ZFP64: variants seen among roughly 807,000 people sequenced by gnomAD.
The protein encoded by ZFP64 is zinc finger protein 64.
A neutral mutation model predicts 51.6 loss-of-function variants in ZFP64; 14 were observed. The observed-to-expected ratio is 0.27, with a 90% CI of 0.18 to 0.42. The LOEUF is 0.42. Among genes scored for constraint, ZFP64 ranks in the 10% least tolerant of loss-of-function variants. The pLI is 1.00. For synonymous variants in ZFP64, 375 were observed against 361.4 expected, an observed-to-expected ratio of 1.04 and a Z score of -0.43; for missense variants, 754 against 906.8, an observed-to-expected ratio of 0.83 and a Z score of 2.16.
chr20:52,133,556 T>C (rs539933950), intron 5 of ZFP64, among the ~76,000 whole-genome samples: 7 of 152,346 alleles, frequency 4.6e-5, no homozygotes, highest in African/African-American at 1.2e-4. Context: ...AGCATTTCTA[T>C]ACGCCAACAG....
Position 52,097,251 on chromosome 20 carries a change from A to G in ZFP64, c.976+122T>C, listed in dbSNP as rs943146632. The G allele has an allele frequency of 1.0e-5, 12 of 1,186,916 alleles. No homozygotes were observed. The African/African-American group carries it at 1.2e-4, about 12-fold the overall frequency. 73.5% of individuals were successfully genotyped at this position (1,186,916 alleles called of 1,614,324 possible). A position where few individuals can be genotyped will look rare whatever the true frequency, so the allele number is the denominator to read the frequency against. ...CTCCTTCTCCCAAGCCCACCCCACT[A>G]GACTGAGTTTCATGAGGCAGATGAG... On this transcript the variant is annotated intron_variant, in intron 7 of 8. Coordinates refer to the ZFP64 transcript ENST00000361387.
chr20:52,154,911 T>C (rs1426252549), intron 5 of ZFP64, among the ~76,000 whole-genome samples: 2 of 152,178 alleles, frequency 1.3e-5, no homozygotes, highest in Admixed American at 1.3e-4. Flanking sequence ...CTGGCCCTTT[T>C]CAGAAAAAGG....
Position 52,153,360 on chromosome 20 carries a change from T to C in ZFP64, c.832A>G (p.Met278Val). 2 of 1,614,196 alleles carry C rather than the reference T, an allele frequency of 1.2e-6. No homozygotes were observed. The highest frequency in any genetic ancestry group is 8.5e-7 in the Non-Finnish European group (1 of 1,180,040). Reference protein sequence around the residue: ...FKISSDLKRHMRVHSGEKPFK... With the variant: ...FKISSDLKRHVRVHSGEKPFK... ...GGCTTCTCCCCCGAGTGCACCCGCA[T>C]GTGCCTTTTCAAGTCCGAGCTGATT... The change falls in exon 6 of 6, where the codon ATG becomes GTG. Residue 278 changes from methionine to valine, a missense_variant. By Grantham distance (21) the Met-to-Val change is conservative. Coordinates refer to ENST00000216923, the MANE Select transcript of ZFP64 (RefSeq NM_018197.3). This position sits in a 1 kb window ranked among gnomAD's most constrained non-coding sequence, Gnocchi z 5.1.
intron 7 of ZFP64, among the ~76,000 whole-genome samples, chr20:52,094,111 G>A (rs1600691934): frequency 2.0e-5 from 3 of 152,174 alleles, no homozygotes; most frequent in Non-Finnish European, 4.4e-5. Context: ...GGGTCCCGGA[G>A]AGAAGACCAC....
intron 2 of ZFP64, among the ~76,000 whole-genome samples, chr20:52,183,901 A>C (rs1024293875): frequency 2.0e-5 from 3 of 152,166 alleles, no homozygotes; most frequent in Non-Finnish European, 4.4e-5. Flanking sequence ...TCTGTTGCCC[A>C]GTGGGGAGTG....
At chr20:52,150,528 G>T (rs1356477849), downstream of ZFP64, among the ~76,000 whole-genome samples, 2 of 149,618 alleles carry the variant, frequency 1.3e-5, no homozygotes, top group Non-Finnish European at 3.0e-5. Flanking sequence ...ATTGTACACT[G>T]CAAGCCTTTT....
chr20:52,088,209 A>AT, intron 8 of ZFP64: 1 of 978,824 alleles, frequency 1.0e-6, no homozygotes, highest in South Asian at 1.7e-5. Context: ...TGTCAGTCAT[A>AT]TTTTACCAAA....
At chr20:52,105,154 G>T (rs1216983292) in intron 5 of ZFP64, 14 of 1,447,828 alleles carry the variant, frequency 9.7e-6, no homozygotes, top group African/African-American at 1.5e-5. Context: ...CCACCTGCGG[G>T]GCCACCTCCG....
Position 52,191,668 on chromosome 20 carries a change from G to A in ZFP64, c.-32C>T. 1.3e-6 allele frequency: 2 copies of A among 1,570,052 alleles called. No individual in the cohort carries two copies. Among genetic ancestry groups the A allele is most frequent in the Non-Finnish European group, 1.7e-6 (2 of 1,162,134 alleles). On this transcript the variant is annotated 5_prime_UTR_variant, in exon 1 of 6. Coordinates refer to ENST00000216923, the MANE Select transcript of ZFP64 (RefSeq NM_018197.3). This position sits in a 1 kb window ranked among gnomAD's most constrained non-coding sequence, Gnocchi z 4.3. Reference sequence around the variant, plus strand: ...AGACTGGGAGGTCCCCGGCCGGCCGGGATGCCAAAGTGGGGGACGCTGATC... The same window carrying A: ...AGACTGGGAGGTCCCCGGCCGGCCGAGATGCCAAAGTGGGGGACGCTGATC...
rs559294656 is a variant in ZFP64 at position 52,146,130 on chromosome 20, G to GGACC, written c.763+13992_763+13993insGGTC. On this transcript the variant is annotated intron_variant, in intron 5 of 8. Coordinates refer to the ZFP64 transcript ENST00000361387. ...ATGCGCATTAGCCTCAGCCTATGCA[G>GGACC]GGTCAGGATCATCAAGATATCAGTA... Among the ~76,000 whole-genome samples, 736 of 151,600 alleles carry GGACC rather than the reference G, an allele frequency of 4.9e-3. 5 individuals are homozygous for GGACC. Among genetic ancestry groups the GGACC allele is most frequent in the African/African-American group, 0.017 (688 of 41,390 alleles).
chr20:52,099,470 A>G (rs2079028090), intron 5 of ZFP64, among the ~76,000 whole-genome samples: 1 of 152,214 alleles, frequency 6.6e-6, no homozygotes, highest in Admixed American at 6.5e-5. Flanking sequence ...AAGAGGAGAA[A>G]AAGCAAAGAC....
At chr20:52,171,272 C>T (rs1982691285) in intron 2 of ZFP64, among the ~76,000 whole-genome samples, 1 of 152,176 alleles carries the variant, frequency 6.6e-6, no homozygotes. Context: ...GGACTGCTGG[C>T]AACCAGAGGC....
Position 52,119,086 on chromosome 20 carries a change from A to G in ZFP64, c.764-20499T>C, listed in dbSNP as rs1314685100. Among the ~76,000 whole-genome samples, 3 of 152,182 alleles carry G rather than the reference A, an allele frequency of 2.0e-5. No homozygotes were observed. In the East Asian group the frequency reaches 5.8e-4, roughly 29 times the overall value. On this transcript the variant is annotated intron_variant, in intron 5 of 8. Transcript: ENST00000361387. ...CTTGAGCCTGGGAGCTGGAGGCTGC[A>G]ATGAACTATGATCATGCCATTGCAT...
intron 5 of ZFP64, among the ~76,000 whole-genome samples, chr20:52,132,557 T>A (rs1308926425): frequency 6.6e-6 from 1 of 152,000 alleles, no homozygotes; most frequent in Non-Finnish European, 1.5e-5. Context: ...ATTCAAAGGA[T>A]CATTAGTGGC....
At chr20:52,099,598 T>C (rs1457645743) in intron 5 of ZFP64, among the ~76,000 whole-genome samples, 1 of 152,200 alleles carries the variant, frequency 6.6e-6, no homozygotes, top group African/African-American at 2.4e-5. Context: ...CTACAGGGGT[T>C]TTATACTTTG....
chr20:52,093,676 A>G (rs768292242), intron 7 of ZFP64, among the ~76,000 whole-genome samples: 18 of 152,328 alleles, frequency 1.2e-4, no homozygotes, highest in Non-Finnish European at 2.2e-4. Flanking sequence ...ACTTATGCTC[A>G]CTTTTGCAAT....
At chr20:52,142,694 G>T (rs1350646104) in intron 5 of ZFP64, among the ~76,000 whole-genome samples, 3 of 144,274 alleles carry the variant, frequency 2.1e-5, no homozygotes, top group Non-Finnish European at 4.6e-5. Context: ...ATAAAAATTA[G>T]CTGGGTGTGG....
At chr20:52,110,632 C>T (rs946316535) in intron 5 of ZFP64, 50 of 1,074,188 alleles carry the variant, frequency 4.7e-5, no homozygotes, top group Non-Finnish European at 6.2e-5. Flanking sequence ...GAACTCCTGG[C>T]CAGGGTGTCC....
chr20:52,105,409 GC>G, intron 5 of ZFP64: 4 of 1,223,522 alleles, frequency 3.3e-6, no homozygotes, highest in Non-Finnish European at 4.1e-6. Context: ...TTGGCCTGGA[GC>G]CAAGACCCCA....
Sources: allele counts gnomAD v4.1 joint callset (sites outside exome capture counted in the v4.1 genomes callset), GRCh38; gene constraint gnomAD v4.1.1; non-coding constraint Gnocchi (gnomAD v3.1); transcripts MANE v1.5; gene names NCBI Gene and HGNC (gene_info 2026-07-23, HGNC 2026-07-21).